The following ALG8 variants were observed in gnomAD, a reference collection of about 807,000 sequenced individuals.
ALG8 encodes dolichyl pyrophosphate Glc1Man9GlcNAc2 alpha-1,3-glucosyltransferase.
Under a neutral mutation model 70.2 loss-of-function variants are expected in ALG8, and 48 were observed. The ratio of observed to expected loss-of-function variants is 0.68; its 90% CI spans 0.54 to 0.87. The LOEUF is 0.87. Ranked by LOEUF, ALG8 falls within the 40% of genes least tolerant of loss-of-function variation. The pLI, the probability that ALG8 is intolerant of heterozygous loss-of-function variation, is 0.00. For missense variants in ALG8, 572 were observed against 608.7 expected, an observed-to-expected ratio of 0.94 and a Z score of 0.64; for synonymous variants, 234 against 229.0, an observed-to-expected ratio of 1.02 and a Z score of -0.20.
chr11:78,104,131 C>G (rs1859916921), intron 11 of ALG8, 79 bp from the exon 12 acceptor site: 1 of 991,066 alleles, frequency 1.0e-6, no homozygotes, highest in Non-Finnish European at 1.6e-6. Context: ...TATAAGCACA[C>G]TGACACAGCT....
chr11:78,104,241 G>T, intron 11 of ALG8, 115 bp downstream of exon 11: 1 of 1,060,430 alleles, frequency 9.4e-7, no homozygotes, highest in Non-Finnish European at 1.3e-6. Context: ...TTAAGAGGAT[G>T]AATGATCTCT....
chr11:78,109,307 C>T (rs899622033), intron 9 of ALG8, 135 bp downstream of exon 9: 34 of 1,195,900 alleles, frequency 2.8e-5, no homozygotes, highest in Non-Finnish European at 3.9e-5. Context: ...CTAGGAAATG[C>T]TTCAATCTGC....
chr11:78,113,954 G>C lies in ALG8; in HGVS notation c.709C>G (p.Arg237Gly), dbSNP rs1860438379. The C allele has an allele frequency of 6.2e-7, 1 of 1,601,834 alleles. No homozygotes were observed. The highest frequency in any genetic ancestry group is 8.5e-7 in the Non-Finnish European group (1 of 1,175,142). The change falls in exon 7 of 13, where the codon CGT becomes GGT. Residue 237 changes from arginine to glycine, a missense_variant. Arg to Gly is a moderately radical substitution (Grantham distance 125). Transcript: ENST00000299626. ...ACAACCAGTCCCAGGGAAATAACACGAACAAAGCTGAAACTCTTCCATCGA... is the reference window on the plus strand; with the variant it reads ...ACAACCAGTCCCAGGGAAATAACACCAACAAAGCTGAAACTCTTCCATCGA... ...SIRWKSFSFV[R>G]VISLGLVVFL...
intron 5 of ALG8, 51 bp from the exon 6 acceptor site, chr11:78,114,443 T>C (rs2136904495): frequency 1.2e-6 from 2 of 1,600,156 alleles, no homozygotes; most frequent in East Asian, 4.5e-5. Context: ...GTAAATGAAA[T>C]GCAATAATGT....
intron 8 of ALG8, among the ~76,000 whole-genome samples, chr11:78,110,024 C>A (rs1000888724): frequency 6.6e-6 from 1 of 152,214 alleles, no homozygotes; most frequent in South Asian, 2.1e-4. Flanking sequence ...TTGTTAAATG[C>A]GGCTTGGCCA....
chr11:78,119,139 C>G (rs1268385672), intron 5 of ALG8, 43 bp downstream of exon 5: 1 of 1,491,628 alleles, frequency 6.7e-7, no homozygotes, highest in South Asian at 1.1e-5. Context: ...AATCTAAAAA[C>G]TAATCTAAAA....
intron 1 of ALG8, 152 bp downstream of exon 1, chr11:78,139,342 A>G (rs1861695029): frequency 2.5e-6 from 2 of 787,162 alleles, no homozygotes; most frequent in Non-Finnish European, 4.3e-6. Flanking sequence ...TCAAGTAACA[A>G]CTGGCGAAAC....
chr11:78,122,490 G>A (rs1018542773), intron 3 of ALG8, among the ~76,000 whole-genome samples: 9 of 151,858 alleles, frequency 5.9e-5, no homozygotes, highest in Non-Finnish European at 1.3e-4. Flanking sequence ...AACAGTCCCC[G>A]GCAACCACAG....
chr11:78,139,276 G>C (rs1861692108), intron 1 of ALG8: 1 of 590,392 alleles, frequency 1.7e-6, no homozygotes, highest in African/African-American at 1.9e-5. Context: ...AAACGTTAAA[G>C]TGATTTGTTC....
intron 1 of ALG8, chr11:78,138,946 T>C (rs1451311120): frequency 1.4e-5 from 5 of 367,982 alleles, no homozygotes; most frequent in Non-Finnish European, 2.7e-5. Flanking sequence ...GAACTTACTC[T>C]TTCCTATGCC....
intron 1 of ALG8, among the ~76,000 whole-genome samples, chr11:78,131,868 T>C (rs560598551): frequency 6.6e-6 from 1 of 152,376 alleles, no homozygotes; most frequent in East Asian, 1.9e-4. Context: ...CCTTCATTAA[T>C]CTAGCTTTCA....
At chr11:78,114,114 A>G in intron 6 of ALG8, 125 bp from the exon 7 acceptor site, 2 of 1,370,054 alleles carry the variant, frequency 1.5e-6, no homozygotes, top group Non-Finnish European at 1.0e-6. Flanking sequence ...ATGTGGCAAG[A>G]GCAGAGAAAA....
In ALG8 at chr11:78,100,996, C is replaced by A; in HGVS notation, c.1549G>T (p.Asp517Tyr). The change falls in exon 13 of 13, where the codon GAC becomes TAC. Residue 517 changes from aspartate (D) to tyrosine (Y), a missense_variant. Coordinates refer to ENST00000299626, the MANE Select transcript of ALG8 (RefSeq NM_024079.5). ...TTCTTTGTCTTGCCAATAGCAGAGT[C>A]AATCAATACTGAAACATACAGTTTG... is the stretch of plus-strand genomic sequence containing the variant. ...WFKLYVSVLI[D>Y]SAIGKTKKQ 1 of 1,614,182 alleles carries A rather than the reference C, an allele frequency of 6.2e-7. No homozygotes were observed. Among genetic ancestry groups the A allele is most frequent in the South Asian group, 1.1e-5 (1 of 91,082 alleles).
chr11:78,127,235 C>T (rs957414320), intron 2 of ALG8, 123 bp downstream of exon 2: 1 of 884,438 alleles, frequency 1.1e-6, no homozygotes, highest in Non-Finnish European at 1.8e-6. Flanking sequence ...CCTTGGCCTC[C>T]CAAAGTGCTG....
intron 10 of ALG8, chr11:78,104,669 G>A (rs577832118): frequency 6.2e-6 from 3 of 483,268 alleles, no homozygotes; most frequent in African/African-American, 5.9e-5. Context: ...TATCGTAAAA[G>A]AATCTTGCTT....
intron 1 of ALG8, chr11:78,137,788 A>G (rs1861610769): frequency 6.6e-6 from 1 of 152,246 alleles, no homozygotes; most frequent in East Asian, 1.9e-4. Context: ...CATAACAAAT[A>G]TAATAGCAAT....
chr11:78,111,083 G>A (rs1860266562), intron 8 of ALG8, among the ~76,000 whole-genome samples: 1 of 152,088 alleles, frequency 6.6e-6, no homozygotes, highest in African/African-American at 2.4e-5. Flanking sequence ...TGAGCAACAC[G>A]GTGACACAAT....
At chr11:78,121,321 T>G in intron 3 of ALG8, 147 bp from the exon 4 acceptor site, 1 of 694,458 alleles carries the variant, frequency 1.4e-6, no homozygotes. Context: ...TTCTTTTTCT[T>G]TTTTTAGAAG....
chr11:78,136,738 G>C (rs613702), intron 1 of ALG8, among the ~76,000 whole-genome samples: 32,984 of 152,016 alleles, frequency 0.22, 4,411 homozygotes, highest in African/African-American at 0.38. Flanking sequence ...GTCATAGATG[G>C]CATCTTCCAA....
Sources: allele counts gnomAD v4.1 joint callset (sites outside exome capture counted in the v4.1 genomes callset), GRCh38; gene constraint gnomAD v4.1.1; transcripts MANE v1.5; gene names NCBI Gene and HGNC (gene_info 2026-07-23, HGNC 2026-07-21).